Variants in RAB20 observed in about 807,000 individuals in gnomAD.
The protein encoded by RAB20 is RAB20, member RAS oncogene family, also known as ras-related protein Rab-20.
In RAB20, 2 loss-of-function variants were observed where a neutral mutation model predicts 3.7. The observed-to-expected ratio is 0.54, with a 90% CI of 0.22 to 1.69. The LOEUF is 1.69. Ranked by LOEUF, RAB20 falls within the 40% of genes most tolerant of loss-of-function variation. RAB20 has a pLI of 0.19. For synonymous variants in RAB20, 126 were observed against 130.8 expected, an observed-to-expected ratio of 0.96 and a Z score of 0.25; for missense variants, 276 against 311.9, an observed-to-expected ratio of 0.88 and a Z score of 0.87.
intron 1 of RAB20, among the ~76,000 whole-genome samples, chr13:110,535,405 G>A (rs1439794981): frequency 1.3e-5 from 2 of 152,198 alleles, no homozygotes; most frequent in African/African-American, 2.4e-5. Context: ...TGAAGGAGGC[G>A]TGAAGTTACA....
chr13:110,552,083 T>A (rs530288854), intron 1 of RAB20, among the ~76,000 whole-genome samples: 61 of 151,602 alleles, frequency 4.0e-4, no homozygotes, highest in Non-Finnish European at 5.0e-4. Flanking sequence ...TCTCAAAAAA[T>A]AAATAAATAA....
intron 1 of RAB20, among the ~76,000 whole-genome samples, chr13:110,551,614 A>G (rs1884952302): frequency 6.6e-6 from 1 of 152,236 alleles, no homozygotes; most frequent in Non-Finnish European, 1.5e-5. Context: ...GTTCGCGGCC[A>G]GCTGGACCAT....
intron 1 of RAB20, among the ~76,000 whole-genome samples, chr13:110,537,976 A>G (rs1884678365): frequency 6.6e-6 from 1 of 152,226 alleles, no homozygotes; most frequent in African/African-American, 2.4e-5. Flanking sequence ...TGGATCAGGA[A>G]AAAAAGAGTT....
chr13:110,559,757 G>A (rs371234268), intron 1 of RAB20, among the ~76,000 whole-genome samples: 1 of 152,312 alleles, frequency 6.6e-6, no homozygotes, highest in South Asian at 2.1e-4. Context: ...TCAGGATTCC[G>A]GCTGCATCAC....
rs141249542 is a variant in RAB20 at position 110,532,086 on chromosome 13, C to T, written c.173-7889G>A. On this transcript the variant is annotated intron_variant, in intron 1 of 1. Coordinates refer to ENST00000267328, the MANE Select transcript of RAB20 (RefSeq NM_017817.3). ...ATAGCCATCAGAAGCCACGGACACC[C>T]TTGGCTCACATCTTAAGCATGGGGT... is the stretch of plus-strand genomic sequence containing the variant. Among the ~76,000 whole-genome samples the T allele has an allele frequency of 2.3e-3, 349 of 152,282 alleles. 2 individuals carry two copies. The highest frequency in any genetic ancestry group is 8.0e-3 in the African/African-American group (331 of 41,548).
chr13:110,552,290 A>C (rs1407999394), intron 1 of RAB20, among the ~76,000 whole-genome samples: 1 of 151,790 alleles, frequency 6.6e-6, no homozygotes, highest in African/African-American at 2.4e-5. Context: ...GAGGCAGGAG[A>C]ATCACTTGAA....
intron 1 of RAB20, among the ~76,000 whole-genome samples, chr13:110,528,992 CT>C: frequency 6.6e-6 from 1 of 152,314 alleles, no homozygotes; most frequent in South Asian, 2.1e-4. Context: ...TAATGTATAG[CT>C]TTTAGGATTG....
chr13:110,538,020 G>A (rs992587206), intron 1 of RAB20, among the ~76,000 whole-genome samples: 4 of 152,206 alleles, frequency 2.6e-5, no homozygotes, highest in South Asian at 4.1e-4. Context: ...CAGGCGGATC[G>A]TTTCAGCCTA....
chr13:110,557,144 GGGGTCT>G (rs1885053941), intron 1 of RAB20, among the ~76,000 whole-genome samples: 1 of 152,204 alleles, frequency 6.6e-6, no homozygotes, highest in African/African-American at 2.4e-5. Flanking sequence ...GTGGAAGCCT[GGGGTCT>G]GAATGAGGAC....
intron 1 of RAB20, among the ~76,000 whole-genome samples, chr13:110,543,938 C>A (rs1566588562): frequency 6.6e-6 from 1 of 152,002 alleles, no homozygotes; most frequent in Non-Finnish European, 1.5e-5. Flanking sequence ...CCACACCCGG[C>A]CAATTTTTGT....
chr13:110,549,367 G>T (rs1041144), intron 1 of RAB20, among the ~76,000 whole-genome samples: 59,026 of 152,202 alleles, frequency 0.39, 13,460 homozygotes, highest in Non-Finnish European at 0.51. Context: ...TGGCATTTCC[G>T]AATTTCTAGC....
intron 1 of RAB20, among the ~76,000 whole-genome samples, chr13:110,542,101 TTTAGGG>T (rs1884774034): frequency 1.3e-5 from 2 of 152,182 alleles, no homozygotes; most frequent in Admixed American, 1.3e-4. Context: ...TACTTTAAGT[TTTAGGG>T]TACATGTGCA....
chr13:110,529,977 C>T (rs903111331), intron 1 of RAB20, among the ~76,000 whole-genome samples: 1 of 152,224 alleles, frequency 6.6e-6, no homozygotes, highest in East Asian at 1.9e-4. Context: ...TCTGTAAGAA[C>T]GCCTCCAATG....
At chr13:110,553,341 G>T (rs1884988634) in intron 1 of RAB20, among the ~76,000 whole-genome samples, 1 of 152,236 alleles carries the variant, frequency 6.6e-6, no homozygotes, top group African/African-American at 2.4e-5. Flanking sequence ...GCTGCTTGTT[G>T]AGTTGAACTG....
At chr13:110,542,436 T>C (rs1251549014) in intron 1 of RAB20, among the ~76,000 whole-genome samples, 1 of 152,174 alleles carries the variant, frequency 6.6e-6, no homozygotes, top group Non-Finnish European at 1.5e-5. Context: ...TTATTCAGCC[T>C]GCAGAACTGA....
At chr13:110,539,597 T>C (rs1884719873) in intron 1 of RAB20, among the ~76,000 whole-genome samples, 1 of 151,420 alleles carries the variant, frequency 6.6e-6, no homozygotes, top group Middle Eastern at 3.4e-3. Flanking sequence ...CTCACTCTTG[T>C]TGCCCAGGCT....
intron 1 of RAB20, among the ~76,000 whole-genome samples, chr13:110,549,476 T>C (rs1884911695): frequency 6.6e-6 from 1 of 152,226 alleles, no homozygotes; most frequent in African/African-American, 2.4e-5. Flanking sequence ...TACAATCTAT[T>C]GTTATAATGT....
At chr13:110,546,938 C>CTA (rs1237432544) in intron 1 of RAB20, among the ~76,000 whole-genome samples, 1 of 152,038 alleles carries the variant, frequency 6.6e-6, no homozygotes, top group Non-Finnish European at 1.5e-5. Context: ...CAGGGTCTCG[C>CTA]TATGTTGCCT....
At chr13:110,540,973 T>G (rs958250551) in intron 1 of RAB20, among the ~76,000 whole-genome samples, 1 of 152,174 alleles carries the variant, frequency 6.6e-6, no homozygotes, top group African/African-American at 2.4e-5. Flanking sequence ...GAATGGGAGT[T>G]ACCTGGCTGT....
Sources: allele counts gnomAD v4.1 joint callset (sites outside exome capture counted in the v4.1 genomes callset), GRCh38; gene constraint gnomAD v4.1.1; transcripts MANE v1.5; gene names NCBI Gene and HGNC (gene_info 2026-07-23, HGNC 2026-07-21).